OSBPL9: variants seen among roughly 807,000 people sequenced by gnomAD.
OSBPL9 encodes oxysterol-binding protein-related protein 9.
OSBPL9 carries 40 observed loss-of-function variants against 106.6 expected under a neutral mutation model. That is an observed-to-expected ratio of 0.38 (90% CI 0.29 to 0.49). The LOEUF (loss-of-function observed/expected upper bound fraction) is 0.49. OSBPL9 is among the 20% of genes least tolerant of loss of function. OSBPL9 has a pLI of 0.97. For synonymous variants in OSBPL9, 269 were observed against 295.4 expected, an observed-to-expected ratio of 0.91 and a Z score of 0.92; for missense variants, 609 against 887.2, an observed-to-expected ratio of 0.69 and a Z score of 3.98.
intron 10 of OSBPL9, 94 bp downstream of exon 10, chr1:51,760,874 A>G (rs2149065389): frequency 7.4e-7 from 1 of 1,353,840 alleles, no homozygotes; most frequent in Non-Finnish European, 1.0e-6. Flanking sequence ...TTTATTTTTG[A>G]TTTTCCTTGT....
intron 1 of OSBPL9, among the ~76,000 whole-genome samples, chr1:51,619,210 CAGTG>C (rs967470632): frequency 3.3e-5 from 5 of 152,326 alleles, no homozygotes; most frequent in African/African-American, 7.2e-5. Context: ...AGAGTGATTT[CAGTG>C]AGTGACACTA....
At chr1:51,553,547 A>C in the OSBPL9 span, among the ~76,000 whole-genome samples, 14 of 151,930 alleles carry the variant, frequency 9.2e-5, no homozygotes, top group Non-Finnish European at 1.6e-4. Flanking sequence ...AACAAACAAA[A>C]AAAAAGAAAA....
chr1:51,620,283 T>C (rs1644346724), intron 1 of OSBPL9, among the ~76,000 whole-genome samples: 1 of 152,090 alleles, frequency 6.6e-6, no homozygotes. Flanking sequence ...GAATTGGAAG[T>C]TTAGAAAGAG....
chr1:51,614,666 C>A (rs1408623235), upstream of OSBPL9, among the ~76,000 whole-genome samples: 1 of 151,570 alleles, frequency 6.6e-6, no homozygotes, highest in East Asian at 1.9e-4. Flanking sequence ...TTATTTATTT[C>A]TCCTGTTGCC....
the OSBPL9 span, among the ~76,000 whole-genome samples, chr1:51,533,060 A>C: frequency 6.6e-6 from 1 of 152,262 alleles, no homozygotes; most frequent in Non-Finnish European, 1.5e-5. Flanking sequence ...GTAATTAATA[A>C]ATGGTAGATA....
At chr1:51,520,148 A>G in the OSBPL9 span, among the ~76,000 whole-genome samples, 19 of 152,190 alleles carry the variant, frequency 1.2e-4, no homozygotes, top group African/African-American at 4.3e-4. Context: ...ATGACAGTTT[A>G]CACCTATCTA....
chr1:51,535,144 A>G, the OSBPL9 span, among the ~76,000 whole-genome samples: 1 of 152,238 alleles, frequency 6.6e-6, no homozygotes, highest in Non-Finnish European at 1.5e-5. Flanking sequence ...CCAGCAGCCA[A>G]AACAATAAAA....
the OSBPL9 span, among the ~76,000 whole-genome samples, chr1:51,569,367 T>C: frequency 1.3e-5 from 2 of 152,206 alleles, no homozygotes; most frequent in Non-Finnish European, 2.9e-5. Flanking sequence ...TTTACTTATA[T>C]TAACATTCAG....
chr1:51,593,820 G>A (rs1456799771), intron 1 of OSBPL9, among the ~76,000 whole-genome samples: 3 of 151,472 alleles, frequency 2.0e-5, no homozygotes, highest in Non-Finnish European at 4.4e-5. Flanking sequence ...AGGGATCCAT[G>A]GTGGAATGTG....
chr1:51,781,353 A>G lies in OSBPL9; in HGVS notation c.1428+18A>G. On this transcript the variant is annotated intron_variant, in intron 16 of 23. Transcript: ENST00000428468. Reference sequence around the variant, plus strand: ...AGAACACAGTGAGTTCTGCATTGACATTTTTAAATTATCTTAATTGTATAC... The same window carrying G: ...AGAACACAGTGAGTTCTGCATTGACGTTTTTAAATTATCTTAATTGTATAC... The G allele has an allele frequency of 1.2e-6, 2 of 1,606,024 alleles. No homozygotes were observed. Among genetic ancestry groups the G allele is most frequent in the African/African-American group, 1.3e-5 (1 of 74,880 alleles).
At chr1:51,753,023 T>G (rs540334033) in intron 8 of OSBPL9, among the ~76,000 whole-genome samples, 19 of 152,190 alleles carry the variant, frequency 1.2e-4, no homozygotes, top group Non-Finnish European at 2.4e-4. Flanking sequence ...ACTGAGTGAT[T>G]TTTCTAATGC....
intron 1 of OSBPL9, among the ~76,000 whole-genome samples, chr1:51,582,196 A>G (rs1570529259): frequency 6.6e-6 from 1 of 152,336 alleles, no homozygotes; most frequent in East Asian, 1.9e-4. Flanking sequence ...ACCTGGAATT[A>G]TAATTGTTAA....
At chr1:51,710,403 GAT>G (rs2148880882) in intron 3 of OSBPL9, among the ~76,000 whole-genome samples, 1 of 152,230 alleles carries the variant, frequency 6.6e-6, no homozygotes, top group East Asian at 1.9e-4. Flanking sequence ...ACCCCCATAA[GAT>G]ATTATTAAAT....
chr1:51,703,151 T>A (rs1424258256), intron 3 of OSBPL9, among the ~76,000 whole-genome samples: 1 of 152,232 alleles, frequency 6.6e-6, no homozygotes, highest in Non-Finnish European at 1.5e-5. Flanking sequence ...ATATGAACTT[T>A]AAAGTAGTTT....
At chr1:51,646,657 C>T (rs1171470803) in intron 1 of OSBPL9, among the ~76,000 whole-genome samples, 2 of 152,134 alleles carry the variant, frequency 1.3e-5, no homozygotes, top group Non-Finnish European at 2.9e-5. Context: ...CTAGCCTCAG[C>T]CTCCTGAGTA....
At chr1:51,638,568 T>A (rs919001406) in intron 1 of OSBPL9, among the ~76,000 whole-genome samples, 14 of 151,426 alleles carry the variant, frequency 9.2e-5, no homozygotes, top group South Asian at 6.3e-4. Context: ...ATAAAAAAAA[T>A]TTTTTTTAAA....
At chr1:51,710,076 G>C (rs1437012771) in intron 3 of OSBPL9, 1 of 152,192 alleles carries the variant, frequency 6.6e-6, no homozygotes, top group East Asian at 1.9e-4. Context: ...GTAGAGGGCT[G>C]AGGTAGGCTC....
chr1:51,625,239 T>C (rs973331045), intron 1 of OSBPL9, among the ~76,000 whole-genome samples: 2 of 152,216 alleles, frequency 1.3e-5, no homozygotes, highest in Non-Finnish European at 2.9e-5. Flanking sequence ...TGTAGAAAGA[T>C]GTAGAGTTGT....
At chr1:51,608,155 T>C (rs1160617940) in intron 2 of OSBPL9, among the ~76,000 whole-genome samples, 3 of 152,202 alleles carry the variant, frequency 2.0e-5, no homozygotes, top group Non-Finnish European at 2.9e-5. Context: ...CCATTTTGCC[T>C]CTTAGTGTGC....
Sources: gnomAD v4.1 joint callset for allele counts (sites outside exome capture counted in the v4.1 genomes callset) on GRCh38, gnomAD v4.1.1 for gene constraint, MANE v1.5 for transcripts, NCBI Gene and HGNC (gene_info 2026-07-23, HGNC 2026-07-21) for gene names.